Variants in INSR observed in about 807,000 individuals in gnomAD.
INSR encodes insulin receptor.
INSR carries 67 observed loss-of-function variants against 142.6 expected under a neutral mutation model. The observed-to-expected ratio is 0.47, with a 90% confidence interval of 0.39 to 0.58. The LOEUF (loss-of-function observed/expected upper bound fraction) is 0.58. INSR is among the 20% of genes least tolerant of loss of function. The pLI is 0.00. For missense variants in INSR, 1,248 were observed against 1,833.2 expected (o/e 0.68, Z 5.83); for synonymous variants, 756 against 743.1 (o/e 1.02, Z -0.28).
rs1409424164 is a variant in INSR, at chr19:7,181,103, G to A, written c.974+3213C>T. ...TTACAGGCGCCCACTGTAATCCCACGCCTGGCTAATTTTTGTATTTTTAGT... is the reference window on the plus strand; with the variant it reads ...TTACAGGCGCCCACTGTAATCCCACACCTGGCTAATTTTTGTATTTTTAGT... On this transcript the variant is annotated intron_variant, in intron 3 of 21. Transcript: ENST00000302850. Among the ~76,000 whole-genome samples the A allele has an allele frequency of 2.0e-5, 3 of 151,958 alleles. No homozygotes were observed. The South Asian group carries it at 6.2e-4, about 32-fold the overall frequency.
chr19:7,249,437 G>C (rs1976637984), intron 2 of INSR, among the ~76,000 whole-genome samples: 1 of 152,078 alleles, frequency 6.6e-6, no homozygotes, highest in Admixed American at 6.6e-5. Flanking sequence ...TCTGTGCCCT[G>C]TTTGTCAGAC....
At position 7,116,994 on chromosome 19, in the gene INSR, C is replaced by T. The variant is rs1364779395; in HGVS notation, c.*62G>A. The T allele has an allele frequency of 1.6e-6, 2 of 1,276,324 alleles. No homozygotes were observed. The highest frequency in any genetic ancestry group is 1.5e-5 in the African/African-American group (1 of 68,046). 79.1% of individuals were successfully genotyped at this position (1,276,324 alleles called of 1,614,324 possible). A position where few individuals can be genotyped will look rare whatever the true frequency, so the allele number is the denominator to read the frequency against. On this transcript the variant is annotated 3_prime_UTR_variant, in exon 22 of 22. Coordinates refer to ENST00000302850, the MANE Select transcript of INSR (RefSeq NM_000208.4). ...GTGAGAATCCTGAGTTTTCCAGAGG[C>T]TTTCAAACCAGAGGAAAGCGAAAAT...
chr19:7,169,341 G>A (rs529165012), intron 6 of INSR, among the ~76,000 whole-genome samples: 15 of 152,044 alleles, frequency 9.9e-5, no homozygotes, highest in South Asian at 6.2e-4. Flanking sequence ...AGGCCGAGGC[G>A]GGAGGATCAC....
chr19:7,137,658 G>A (rs1470977089), intron 13 of INSR, among the ~76,000 whole-genome samples: 2 of 151,718 alleles, frequency 1.3e-5, no homozygotes, highest in Admixed American at 1.3e-4. Context: ...TGTGGTCGTG[G>A]GTGCCTGTAA....
chr19:7,150,521 G>A lies in INSR; in HGVS notation c.2243C>T (p.Ser748Leu), dbSNP rs143523271. ...NVVFVPRKTS[S>L]GTGAEDPRPS... Reference sequence around the variant, plus strand: ...CCTAGGGTCCTCGGCACCAGTGCCTGAAGAGGTTTTTCTGTGGAAACAAAA... The same window carrying A: ...CCTAGGGTCCTCGGCACCAGTGCCTAAAGAGGTTTTTCTGTGGAAACAAAA... The change falls in exon 11 of 22, where the codon TCA becomes TTA. Residue 748 changes from serine (S) to leucine (L), a missense_variant. Transcript: ENST00000302850. The surrounding 1 kb of genome is among the most constrained non-coding windows in gnomAD (Gnocchi z 4.2). 2,953 of 1,614,056 alleles carry A rather than the reference G, an allele frequency of 1.8e-3. 8 individuals carry two copies. Among genetic ancestry groups the A allele is most frequent in the Non-Finnish European group, 2.4e-3 (2,856 of 1,180,008 alleles).
chr19:7,135,304 CTTTTTTTT>C (rs34080394), intron 13 of INSR, among the ~76,000 whole-genome samples: 2 of 60,032 alleles, frequency 3.3e-5, no homozygotes, highest in African/African-American at 1.6e-4. Context: ...AATGCATCTT[CTTTTTTTT>C]TTTTTTTTTT....
intron 2 of INSR, among the ~76,000 whole-genome samples, chr19:7,248,799 C>A (rs1310985336): frequency 7.8e-6 from 1 of 128,824 alleles, no homozygotes; most frequent in African/African-American, 3.1e-5. Context: ...ACTCTGTTGC[C>A]CAGGCTGGAG....
chr19:7,239,815 G>C (rs537406379), intron 2 of INSR, among the ~76,000 whole-genome samples: 75 of 112,932 alleles, frequency 6.6e-4, no homozygotes, highest in African/African-American at 2.6e-3. Context: ...AAAGAACATA[G>C]TGGCTGAGAG....
chr19:7,261,366 G>A (rs981170979), intron 2 of INSR, among the ~76,000 whole-genome samples: 5 of 152,068 alleles, frequency 3.3e-5, no homozygotes, highest in Non-Finnish European at 5.9e-5. Flanking sequence ...TAAACGAACT[G>A]CATAGACCCC....
At chr19:7,153,000 A>ACC in intron 9 of INSR, 73 bp from the exon 10 acceptor site, 1 of 723,476 alleles carries the variant, frequency 1.4e-6, no homozygotes. Flanking sequence ...CACACACCCC[A>ACC]CACACACACA....
At chr19:7,239,494 T>C (rs999292571) in intron 2 of INSR, among the ~76,000 whole-genome samples, 3 of 152,264 alleles carry the variant, frequency 2.0e-5, no homozygotes, top group Middle Eastern at 3.4e-3. Context: ...CCTTAATGCA[T>C]CACTGGTGAA....
intron 2 of INSR, among the ~76,000 whole-genome samples, chr19:7,204,345 A>G (rs1184999869): frequency 2.0e-5 from 3 of 151,944 alleles, no homozygotes; most frequent in African/African-American, 7.2e-5. Flanking sequence ...GTGAGCCACC[A>G]TGCCCAGCCT....
At position 7,119,721 on chromosome 19, in the gene INSR, C is replaced by A. The variant is rs1972433856; in HGVS notation, c.3660-138G>T. On this transcript the variant is annotated intron_variant, in intron 20 of 21. Transcript: ENST00000302850. This position sits in a 1 kb window ranked among gnomAD's most constrained non-coding sequence, Gnocchi z 5.2. Reference sequence around the variant, plus strand: ...ACACATACATGCAAACACACACATGCAAACACACACGCACATACACGTGCA... The same window carrying A: ...ACACATACATGCAAACACACACATGAAAACACACACGCACATACACGTGCA... The A allele has an allele frequency of 3.2e-6, 3 of 944,392 alleles. No individual in the cohort carries two copies. The highest frequency in any genetic ancestry group is 2.6e-5 in the East Asian group (1 of 39,112). 58.5% of individuals were successfully genotyped at this position (944,392 alleles called of 1,614,324 possible).
In INSR at chr19:7,194,473, G is replaced by GTC. The variant is rs542890738; in HGVS notation, c.653-9837_653-9836insGA. Among the ~76,000 whole-genome samples the GTC allele has an allele frequency of 1.1e-3, 174 of 151,358 alleles. 1 individual carries two copies. The highest frequency in any genetic ancestry group is 5.6e-3 in the East Asian group (29 of 5,158). ...TTACAAAATCAATATGGGGCTCAGG[G>GTC]GTGAAGTGTGGAGTGTGTTTTAATA... On this transcript the variant is annotated intron_variant, in intron 2 of 21. Transcript: ENST00000302850.
chr19:7,147,523 T>C (rs759631452), intron 11 of INSR, among the ~76,000 whole-genome samples: 6 of 152,208 alleles, frequency 3.9e-5, no homozygotes, highest in Non-Finnish European at 7.3e-5. Context: ...TTCTGTTTAA[T>C]CTTTTGAAAT....
intron 6 of INSR, among the ~76,000 whole-genome samples, chr19:7,169,416 A>AC (rs1973961059): frequency 2.5e-5 from 2 of 79,314 alleles, no homozygotes; most frequent in Non-Finnish European, 4.6e-5. Flanking sequence ...CTAAAAATAC[A>AC]AAAAAAAAAA....
chr19:7,122,794 T>C (rs772590079), intron 18 of INSR, 21 bp from the exon 19 acceptor site: 1 of 1,613,984 alleles, frequency 6.2e-7, no homozygotes, highest in East Asian at 2.2e-5. Context: ...AACACGGGGT[T>C]GGTGTTTCAG....
rs1568470274 is a variant in INSR at position 7,184,455 on chromosome 19, G to A, written c.835C>T (p.Arg279Cys). 3 of 1,614,054 alleles carry A rather than the reference G, an allele frequency of 1.9e-6. No individual in the cohort carries two copies. Among genetic ancestry groups the A allele is most frequent in the East Asian group, 2.2e-5 (1 of 44,874 alleles). Reference sequence around the variant, plus strand: ...TGGCAGAAGCTGAAGTTCACACAGCGCCAGTCCTGGAAGTGGTAGTACGGG... The same window carrying A: ...TGGCAGAAGCTGAAGTTCACACAGCACCAGTCCTGGAAGTGGTAGTACGGG... ...PPPYYHFQDW[R>C]CVNFSFCQDL... The change falls in exon 3 of 22, where the codon CGC (arginine) becomes TGC (cysteine). Residue 279 changes from arginine (R) to cysteine (C), a missense_variant. Arg to Cys is a radical substitution (Grantham distance 180). This residue lies in a region of INSR where 1,069 missense variants were observed against 1,654.0 expected (regional missense o/e 0.65). Transcript: ENST00000302850.
chr19:7,213,845 C>G (rs901024976), intron 2 of INSR, among the ~76,000 whole-genome samples: 17 of 152,228 alleles, frequency 1.1e-4, no homozygotes, highest in Non-Finnish European at 2.1e-4. Flanking sequence ...AAAAATTAGC[C>G]AGGCGTGGTG....
Sources: allele counts gnomAD v4.1 joint callset (sites outside exome capture counted in the v4.1 genomes callset), GRCh38; gene constraint gnomAD v4.1.1; regional missense constraint gnomAD v4.1.1; non-coding constraint Gnocchi (gnomAD v3.1); transcripts MANE v1.5; gene names NCBI Gene and HGNC (gene_info 2026-07-23, HGNC 2026-07-21).